Variants in PDE8B observed in about 807,000 individuals in gnomAD.
PDE8B encodes phosphodiesterase 8B.
PDE8B carries 26 observed loss-of-function variants against 101.3 expected under a neutral mutation model. The observed-to-expected ratio is 0.26, with a 90% CI of 0.19 to 0.36. The LOEUF is 0.36. Among genes scored for constraint, PDE8B ranks in the 10% least tolerant of loss-of-function variants. PDE8B has a pLI of 1.00. For synonymous variants in PDE8B, 424 were observed against 429.3 expected (o/e 0.99, Z 0.15); for missense variants, 810 against 1,163.1 (o/e 0.70, Z 4.42).
rs1228561709 is a variant in PDE8B, at chr5:77,372,373, A to G, written c.1167+18967A>G. 2.0e-5 allele frequency among the ~76,000 whole-genome samples: 3 copies of G among 152,300 alleles called. No homozygotes were observed. The East Asian group carries it at 5.8e-4, about 29-fold the overall frequency. Reference sequence around the variant, plus strand: ...TATTTAGGATGGAATCTTGGTCTGTAGTTATCTGTTTTTTGGATAATGTCT... The same window carrying G: ...TATTTAGGATGGAATCTTGGTCTGTGGTTATCTGTTTTTTGGATAATGTCT... On this transcript the variant is annotated intron_variant, in intron 10 of 21. Transcript: ENST00000264917.
chr5:77,359,368 T>C (rs977029151), intron 10 of PDE8B, among the ~76,000 whole-genome samples: 4 of 152,180 alleles, frequency 2.6e-5, no homozygotes, highest in African/African-American at 9.7e-5. Context: ...GCACCTACCC[T>C]GAGCATGATG....
chr5:77,378,738 G>C (rs1376434569), intron 10 of PDE8B, among the ~76,000 whole-genome samples: 1 of 152,160 alleles, frequency 6.6e-6, no homozygotes, highest in Non-Finnish European at 1.5e-5. Context: ...TAAAGTCTCA[G>C]CCTCACCTGA....
the PDE8B span, among the ~76,000 whole-genome samples, chr5:77,154,400 G>A: frequency 3.3e-5 from 5 of 152,246 alleles, no homozygotes; most frequent in African/African-American, 1.2e-4. Context: ...CTTGGCACAG[G>A]GAAGACATTT....
intron 1 of PDE8B, among the ~76,000 whole-genome samples, chr5:77,292,162 G>T (rs936637092): frequency 1.3e-5 from 2 of 152,116 alleles, no homozygotes; most frequent in African/African-American, 4.8e-5. Flanking sequence ...CCAAATATCT[G>T]TGAGTGTTGG....
intron 10 of PDE8B, among the ~76,000 whole-genome samples, chr5:77,381,487 C>T (rs969559108): frequency 1.3e-5 from 2 of 152,154 alleles, no homozygotes; most frequent in Non-Finnish European, 2.9e-5. Context: ...TACCTTCCCA[C>T]GGTGATTCTG....
Position 77,291,447 on chromosome 5 carries a change from T to A in PDE8B, c.340-20547T>A. 4 of 1,611,352 alleles carry A rather than the reference T, an allele frequency of 2.5e-6. No homozygotes were observed. The East Asian group carries it at 6.7e-5, about 27-fold the overall frequency. On this transcript the variant is annotated intron_variant, in intron 1 of 21. Coordinates refer to ENST00000264917, the MANE Select transcript of PDE8B (RefSeq NM_003719.5). ...TGTGACAGGTCTTGCCCACGATGCA[T>A]CCATTGCACACACAGAGACTTTTGC...
At position 77,211,310 on chromosome 5, in the gene PDE8B, TCGGCGGGGCTCG is replaced by T. The variant is rs766431297; in HGVS notation, c.339+48_339+59del. The T allele has an allele frequency of 5.8e-5, 88 of 1,504,838 alleles. No individual in the cohort carries two copies. In the African/African-American group the frequency reaches 1.1e-3, roughly 20 times the overall value. The allele number at this position is 1,504,838 out of a possible 1,614,324, so 93.2% of individuals were successfully genotyped here. On this transcript the variant is annotated intron_variant, in intron 1 of 21. Coordinates refer to ENST00000264917, the MANE Select transcript of PDE8B (RefSeq NM_003719.5). The surrounding 1 kb of genome is among the most constrained non-coding windows in gnomAD (Gnocchi z 4.1). The stretch of plus-strand genomic sequence containing the variant: ...CACGCCGTGGGGGCCGTCCGCCCCG[TCGGCGGGGCTCG>T]CACGGGTAGGGGGCTCCGGCGGAGT...
chr5:77,243,591 A>C (rs1756227859), intron 1 of PDE8B, among the ~76,000 whole-genome samples: 1 of 152,192 alleles, frequency 6.6e-6, no homozygotes, highest in African/African-American at 2.4e-5. Context: ...TATAAATGGA[A>C]TCATACAATA....
chr5:77,374,436 C>T (rs1310063518), intron 10 of PDE8B, among the ~76,000 whole-genome samples: 2 of 151,414 alleles, frequency 1.3e-5, no homozygotes, highest in African/African-American at 4.9e-5. Context: ...TTTTTATTTT[C>T]TTTTATATAG....
At chr5:77,126,950 T>C in the PDE8B span, among the ~76,000 whole-genome samples, 1 of 152,206 alleles carries the variant, frequency 6.6e-6, no homozygotes, top group Non-Finnish European at 1.5e-5. Context: ...AGGCCACTAT[T>C]TTGTCCAAGC....
intron 1 of PDE8B, among the ~76,000 whole-genome samples, chr5:77,242,062 G>A (rs1207435258): frequency 6.6e-6 from 1 of 152,204 alleles, no homozygotes; most frequent in Non-Finnish European, 1.5e-5. Context: ...GATGAATTAA[G>A]CACTCCATTC....
At chr5:77,402,156 G>A (rs1792414276) in intron 11 of PDE8B, among the ~76,000 whole-genome samples, 1 of 152,108 alleles carries the variant, frequency 6.6e-6, no homozygotes. Flanking sequence ...GCTAAACCAA[G>A]TGTCTCACAA....
At chr5:77,411,992 C>T (rs1236987562) in intron 15 of PDE8B, 108 bp from the exon 16 acceptor site, 6 of 1,124,164 alleles carry the variant, frequency 5.3e-6, no homozygotes, top group Non-Finnish European at 6.7e-6. Flanking sequence ...ACAGAAAAAT[C>T]AGGTACAAGA....
chr5:77,282,793 G>A (rs1765280634), intron 1 of PDE8B, among the ~76,000 whole-genome samples: 1 of 152,068 alleles, frequency 6.6e-6, no homozygotes, highest in Non-Finnish European at 1.5e-5. Flanking sequence ...TGAGGCAATA[G>A]TCAGACATGG....
intron 10 of PDE8B, among the ~76,000 whole-genome samples, chr5:77,374,543 G>C (rs981522800): frequency 6.6e-6 from 1 of 151,934 alleles, no homozygotes; most frequent in Non-Finnish European, 1.5e-5. Context: ...TTGTCCTGGG[G>C]ATTACTATAT....
the PDE8B span, among the ~76,000 whole-genome samples, chr5:77,205,164 CATG>C: frequency 6.6e-6 from 1 of 152,132 alleles, no homozygotes; most frequent in African/African-American, 2.4e-5. Flanking sequence ...CTCCAAGTTT[CATG>C]ATGTTGACCT....
At chr5:77,259,087 A>C (rs55750851) in intron 1 of PDE8B, among the ~76,000 whole-genome samples, 20,884 of 35,228 alleles carry the variant, frequency 0.59, 6,055 homozygotes, top group East Asian at 0.87. Context: ...CCCCCCCCAC[A>C]CACACACACG....
chr5:77,328,281 A>G (rs1474743953), intron 3 of PDE8B, among the ~76,000 whole-genome samples: 2 of 151,760 alleles, frequency 1.3e-5, no homozygotes, highest in African/African-American at 4.9e-5. Flanking sequence ...TGGCACAGCT[A>G]AGAAGTTTCA....
Position 77,210,828 on chromosome 5 carries a change from C to T in PDE8B, c.-98C>T. On this transcript the variant is annotated 5_prime_UTR_variant, in exon 1 of 22. Coordinates refer to ENST00000264917, the MANE Select transcript of PDE8B (RefSeq NM_003719.5). The surrounding 1 kb of genome is among the most constrained non-coding windows in gnomAD (Gnocchi z 4.9). ...CAGGCCGGGGGGCGCGCAGTCCGGGCGCCGCCGCGGCCGCCCCCTCACTGC... is the reference window on the plus strand; with the variant it reads ...CAGGCCGGGGGGCGCGCAGTCCGGGTGCCGCCGCGGCCGCCCCCTCACTGC... The T allele has an allele frequency of 1.0e-6, 1 of 990,344 alleles. No homozygotes were observed. Among genetic ancestry groups the T allele is most frequent in the Non-Finnish European group, 1.2e-6 (1 of 835,054 alleles). The allele number at this position is 990,344 out of a possible 1,614,324, so 61.3% of individuals were successfully genotyped here. A position where few individuals can be genotyped will look rare whatever the true frequency, so the allele number is the denominator to read the frequency against.
Sources: allele counts gnomAD v4.1 joint callset (sites outside exome capture counted in the v4.1 genomes callset), GRCh38; gene constraint gnomAD v4.1.1; non-coding constraint Gnocchi (gnomAD v3.1); transcripts MANE v1.5; gene names NCBI Gene and HGNC (gene_info 2026-07-23, HGNC 2026-07-21).